Variants in GPC6 observed in about 807,000 individuals in gnomAD.
The protein encoded by GPC6 is glypican 6, also known as glypican-6.
A neutral mutation model predicts 55.2 loss-of-function variants in GPC6; 14 were observed. The observed-to-expected ratio is 0.25, with a 90% confidence interval of 0.17 to 0.40. GPC6 has a LOEUF of 0.40. GPC6 is among the 10% of genes least tolerant of loss of function. The pLI is 1.00. For missense variants in GPC6, 641 were observed against 708.5 expected, an observed-to-expected ratio of 0.90 and a Z score of 1.08; for synonymous variants, 278 against 259.6, an observed-to-expected ratio of 1.07 and a Z score of -0.68.
intron 6 of GPC6, among the ~76,000 whole-genome samples, chr13:94,318,533 C>T (rs1462360994): frequency 6.9e-6 from 1 of 145,970 alleles, no homozygotes; most frequent in African/African-American, 2.4e-5. Flanking sequence ...TTGTGTAATA[C>T]TCACCCTTCT....
chr13:93,518,727 G>C (rs908803485), intron 1 of GPC6, among the ~76,000 whole-genome samples: 2 of 151,820 alleles, frequency 1.3e-5, no homozygotes, highest in African/African-American at 4.8e-5. Flanking sequence ...ATGCAATAGG[G>C]CCTTTCTCAA....
rs1023929123 is a variant in GPC6, at chr13:93,984,213, A to C, written c.712-43516A>C. On this transcript the variant is annotated intron_variant, in intron 3 of 8. Transcript: ENST00000377047. ...CCCAGAATAATCCCAAATGCACATC[A>C]TCACAGGGCTCTGAAAGCTCCATAA... Among the ~76,000 whole-genome samples the C allele has an allele frequency of 1.8e-4, 27 of 152,028 alleles. 1 individual carries two copies. Among genetic ancestry groups the C allele is most frequent in the Admixed American group, 1.7e-3 (26 of 15,266 alleles).
At chr13:94,100,064 A>G (rs1252691277) in intron 4 of GPC6, among the ~76,000 whole-genome samples, 1 of 152,168 alleles carries the variant, frequency 6.6e-6, no homozygotes, top group Non-Finnish European at 1.5e-5. Flanking sequence ...ACATGGGTTT[A>G]CCTATGTAAT....
At chr13:93,244,255 T>G (rs976683354) in intron 1 of GPC6, among the ~76,000 whole-genome samples, 1 of 152,082 alleles carries the variant, frequency 6.6e-6, no homozygotes, top group African/African-American at 2.4e-5. Context: ...CCCACAGACT[T>G]CTGCTGGCAG....
chr13:93,732,892 A>G (rs1274115271), intron 2 of GPC6, among the ~76,000 whole-genome samples: 2 of 152,172 alleles, frequency 1.3e-5, no homozygotes, highest in East Asian at 3.8e-4. Context: ...CATGTCTTCA[A>G]TATGAAAATT....
intron 3 of GPC6, among the ~76,000 whole-genome samples, chr13:93,970,696 A>G (rs138902632): frequency 6.6e-6 from 1 of 152,302 alleles, no homozygotes; most frequent in East Asian, 1.9e-4. Flanking sequence ...AGCTCCTTAA[A>G]TGTAGCTTTC....
intron 1 of GPC6, among the ~76,000 whole-genome samples, chr13:93,484,468 G>C (rs944435609): frequency 2.0e-5 from 3 of 152,046 alleles, no homozygotes; most frequent in Non-Finnish European, 4.4e-5. Flanking sequence ...AGTATGCTGT[G>C]AACCTCTTTT....
chr13:93,449,066 A>C, intron 1 of GPC6, among the ~76,000 whole-genome samples: 1 of 152,358 alleles, frequency 6.6e-6, no homozygotes, highest in East Asian at 1.9e-4. Flanking sequence ...TTCTTGAGCC[A>C]AATACCCATG....
At chr13:94,153,157 G>A (rs1887805904) in intron 4 of GPC6, among the ~76,000 whole-genome samples, 1 of 152,062 alleles carries the variant, frequency 6.6e-6, no homozygotes, top group Non-Finnish European at 1.5e-5. Context: ...TTTAATGAAT[G>A]TTGCCACCTG....
chr13:93,333,397 C>T (rs1879921589), intron 1 of GPC6, among the ~76,000 whole-genome samples: 1 of 151,836 alleles, frequency 6.6e-6, no homozygotes, highest in African/African-American at 2.4e-5. Context: ...TTGTAATTTT[C>T]ATTGTAGATG....
intron 2 of GPC6, among the ~76,000 whole-genome samples, chr13:93,760,025 C>CAA (rs10639785): frequency 0.92 from 136,387 of 148,066 alleles, 62,794 homozygotes; most frequent in Admixed American, 0.95. Context: ...GCTGAGAAAA[C>CAA]AAAAAAAAAA....
intron 3 of GPC6, among the ~76,000 whole-genome samples, chr13:93,865,523 A>G (rs1566576486): frequency 1.3e-5 from 2 of 151,728 alleles, no homozygotes; most frequent in Non-Finnish European, 3.0e-5. Flanking sequence ...GCTTAAAGCC[A>G]GAGGTTGTAA....
rs575151792 is a variant in GPC6, at chr13:93,391,187, A to T, written c.161-154076A>T. 8.2e-3 allele frequency among the ~76,000 whole-genome samples: 1,252 copies of T among 152,276 alleles called. 20 individuals are homozygous for T. Among genetic ancestry groups the T allele is most frequent in the African/African-American group, 0.028 (1,178 of 41,548 alleles). On this transcript the variant is annotated intron_variant, in intron 1 of 8. Coordinates refer to ENST00000377047, the MANE Select transcript of GPC6 (RefSeq NM_005708.5). ...CTGCCATTTAAATTAGGAGCAGTGT[A>T]ATTTAGAGCCATAGGGAATATGAAA...
At chr13:93,220,368 G>T in the GPC6 span, among the ~76,000 whole-genome samples, 1 of 152,270 alleles carries the variant, frequency 6.6e-6, no homozygotes, top group East Asian at 1.9e-4. Context: ...AAGAAGCATG[G>T]TTTTAATAAT....
At chr13:93,719,180 G>T (rs1318589792) in intron 2 of GPC6, among the ~76,000 whole-genome samples, 1 of 152,002 alleles carries the variant, frequency 6.6e-6, no homozygotes, top group African/African-American at 2.4e-5. Flanking sequence ...TGGGCAGTAT[G>T]GCCATTTTTC....
intron 4 of GPC6, among the ~76,000 whole-genome samples, chr13:94,086,219 G>A (rs1306925805): frequency 6.6e-6 from 1 of 152,176 alleles, no homozygotes; most frequent in Admixed American, 6.5e-5. Flanking sequence ...TTCTCACACT[G>A]CATGCAGCCA....
chr13:93,528,181 T>C (rs3908638), intron 1 of GPC6, among the ~76,000 whole-genome samples: 8,812 of 152,204 alleles, frequency 0.058, 836 homozygotes, highest in African/African-American at 0.2. Flanking sequence ...TGTCAGCTGT[T>C]ATATAGTTTA....
In GPC6 at chr13:93,595,724, C is replaced by T. The variant is rs149058766; in HGVS notation, c.319+50303C>T. ...TTTCTCAAACTGTGAACATAATATC[C>T]TATCTATTCATTATTTTGTTCTTTA... On this transcript the variant is annotated intron_variant, in intron 2 of 8. Transcript: ENST00000377047. Among the ~76,000 whole-genome samples, 1,069 of 152,142 alleles carry T rather than the reference C, an allele frequency of 7.0e-3. 10 individuals carry two copies. The highest frequency in any genetic ancestry group is 0.024 in the Middle Eastern group (7 of 294).
intron 1 of GPC6, among the ~76,000 whole-genome samples, chr13:93,504,482 G>T (rs368107085): frequency 2.7e-4 from 35 of 129,948 alleles, no homozygotes; most frequent in Admixed American, 4.0e-4. Context: ...AAACAACATA[G>T]TTTTTTTTTT....
Sources: gnomAD v4.1 joint callset for allele counts (sites outside exome capture counted in the v4.1 genomes callset) on GRCh38, gnomAD v4.1.1 for gene constraint, MANE v1.5 for transcripts, NCBI Gene and HGNC (gene_info 2026-07-23, HGNC 2026-07-21) for gene names.